Variants in TULP3 observed in about 807,000 individuals in gnomAD.
TULP3 encodes tubby-related protein 3.
In TULP3, 38 loss-of-function variants were observed where a neutral mutation model predicts 50.7. That is an observed-to-expected ratio of 0.75 (90% CI 0.58 to 0.98). TULP3 has a LOEUF of 0.98. Ranked by LOEUF, TULP3 falls within the 50% of genes least tolerant of loss-of-function variation. The pLI, the probability that TULP3 is intolerant of heterozygous loss-of-function variation, is 0.00. For missense variants in TULP3, 550 were observed against 568.0 expected (o/e 0.97, Z 0.32); for synonymous variants, 183 against 196.6 (o/e 0.93, Z 0.58).
intron 2 of TULP3, among the ~76,000 whole-genome samples, chr12:2,912,365 G>A (rs1223173554): frequency 6.6e-6 from 1 of 152,192 alleles, no homozygotes; most frequent in African/African-American, 2.4e-5. Flanking sequence ...CATCCCAGGT[G>A]GGCAGTATCT....
intron 4 of TULP3, among the ~76,000 whole-genome samples, chr12:2,927,869 C>T (rs925571499): frequency 2.6e-5 from 4 of 151,998 alleles, no homozygotes; most frequent in African/African-American, 7.3e-5. Flanking sequence ...AACTTCACCC[C>T]GCAGATACTA....
At chr12:2,900,697 C>CAGGA (rs2098178638) in intron 1 of TULP3, among the ~76,000 whole-genome samples, 1 of 147,554 alleles carries the variant, frequency 6.8e-6, no homozygotes, top group Admixed American at 6.8e-5. Context: ...CTTGCAGATA[C>CAGGA]TTTTTTTTTT....
intron 1 of TULP3, among the ~76,000 whole-genome samples, chr12:2,901,622 A>C (rs2098179348): frequency 6.6e-6 from 1 of 151,896 alleles, no homozygotes; most frequent in South Asian, 2.1e-4. Flanking sequence ...GCCTCAAGTC[A>C]TATGCCCGTC....
chr12:2,904,369 G>A (rs1020228657), intron 1 of TULP3, among the ~76,000 whole-genome samples: 10 of 151,942 alleles, frequency 6.6e-5, no homozygotes, highest in African/African-American at 1.7e-4. Context: ...ATGGAATCTC[G>A]CTCTGTTGCT....
chr12:2,935,007 T>C (rs2098200275), intron 8 of TULP3, among the ~76,000 whole-genome samples: 2 of 152,170 alleles, frequency 1.3e-5, no homozygotes, highest in African/African-American at 4.8e-5. Flanking sequence ...TCCTTTTTCA[T>C]TTCATTTCAC....
intron 2 of TULP3, among the ~76,000 whole-genome samples, chr12:2,920,248 G>C (rs137941799): frequency 6.6e-6 from 1 of 152,148 alleles, no homozygotes; most frequent in Non-Finnish European, 1.5e-5. Context: ...AGTGGCTCAC[G>C]CCTGTAATCC....
chr12:2,922,506 C>T (rs112096703), intron 4 of TULP3, 104 bp downstream of exon 4: 12 of 1,449,918 alleles, frequency 8.3e-6, no homozygotes, highest in African/African-American at 7.1e-5. Context: ...GAAAATGACT[C>T]ATGGCTTAGG....
intron 8 of TULP3, among the ~76,000 whole-genome samples, chr12:2,936,371 C>CTA (rs1396138540): frequency 6.6e-6 from 1 of 152,102 alleles, no homozygotes; most frequent in Non-Finnish European, 1.5e-5. Flanking sequence ...TAATATAGTG[C>CTA]TATGCCCTCA....
At chr12:2,903,135 T>G (rs1018835500) in intron 1 of TULP3, among the ~76,000 whole-genome samples, 7 of 152,048 alleles carry the variant, frequency 4.6e-5, no homozygotes, top group Non-Finnish European at 1.5e-5. Context: ...GTTCTGGAAT[T>G]ACAGGCATAA....
chr12:2,940,738 C>T lies in TULP3; in HGVS notation c.*1294C>T. The T allele has an allele frequency of 6.5e-7, 1 of 1,544,836 alleles. No individual in the cohort carries two copies. The highest frequency in any genetic ancestry group is 8.7e-7 in the Non-Finnish European group (1 of 1,143,106). ...AGATAAGCATGTGAAGGAGGGCCAACTGGCAGCTGCGGGACCCTTGGCTTG... is the reference window on the plus strand; with the variant it reads ...AGATAAGCATGTGAAGGAGGGCCAATTGGCAGCTGCGGGACCCTTGGCTTG... On this transcript the variant is annotated 3_prime_UTR_variant, in exon 11 of 11. Coordinates refer to ENST00000448120, the MANE Select transcript of TULP3 (RefSeq NM_003324.5).
intron 4 of TULP3, among the ~76,000 whole-genome samples, chr12:2,925,326 G>A (rs1192513418): frequency 6.6e-6 from 1 of 152,196 alleles, no homozygotes; most frequent in Non-Finnish European, 1.5e-5. Context: ...TCGTTTGACT[G>A]ATGATGGCCT....
intron 8 of TULP3, among the ~76,000 whole-genome samples, chr12:2,936,540 C>T (rs1185615403): frequency 1.3e-5 from 2 of 149,102 alleles, no homozygotes; most frequent in African/African-American, 5.0e-5. Flanking sequence ...CACCTGAGGT[C>T]GGGAATTCGA....
At chr12:2,892,207 C>T (rs549204920) in intron 1 of TULP3, among the ~76,000 whole-genome samples, 1 of 151,820 alleles carries the variant, frequency 6.6e-6, no homozygotes, top group African/African-American at 2.4e-5. Flanking sequence ...ATGTATTTTC[C>T]TTTTTCGTCA....
chr12:2,932,951 T>TA (rs1345805584), intron 6 of TULP3, among the ~76,000 whole-genome samples: 3 of 148,862 alleles, frequency 2.0e-5, no homozygotes, highest in Non-Finnish European at 4.5e-5. Context: ...TTATTTTTTA[T>TA]TTTTTTTTTG....
intron 4 of TULP3, among the ~76,000 whole-genome samples, chr12:2,929,887 C>G (rs139543913): frequency 1.3e-3 from 200 of 152,120 alleles, no homozygotes; most frequent in African/African-American, 4.7e-3. Context: ...CCGCGCCCAG[C>G]CTGCCCTGCC....
rs1161010707 is a variant in TULP3, at chr12:2,940,470, T to G, written c.*1026T>G. ...GCACAGAAGGTGTTTTGCTACGTTT[T>G]TTTGATTATTACACCCCTCCACGTA... On this transcript the variant is annotated 3_prime_UTR_variant, in exon 11 of 11. Coordinates refer to ENST00000448120, the MANE Select transcript of TULP3 (RefSeq NM_003324.5). 11 of 1,486,950 alleles carry G rather than the reference T, an allele frequency of 7.4e-6. No individual in the cohort carries two copies. The African/African-American group carries it at 1.3e-4, about 17-fold the overall frequency. 92.1% of individuals were successfully genotyped at this position (1,486,950 alleles called of 1,614,324 possible). A position where few individuals can be genotyped will look rare whatever the true frequency, so the allele number is the denominator to read the frequency against.
At chr12:2,925,066 G>A (rs2098193950) in intron 4 of TULP3, among the ~76,000 whole-genome samples, 1 of 151,886 alleles carries the variant, frequency 6.6e-6, no homozygotes, top group African/African-American at 2.4e-5. Flanking sequence ...TACTCGGGAG[G>A]TTGAGGCACG....
At chr12:2,926,547 ATTTT>A (rs930827496) in intron 4 of TULP3, among the ~76,000 whole-genome samples, 1 of 152,180 alleles carries the variant, frequency 6.6e-6, no homozygotes, top group African/African-American at 2.4e-5. Context: ...AAAGCAAATA[ATTTT>A]TTTAAGTAAC....
intron 8 of TULP3, among the ~76,000 whole-genome samples, chr12:2,935,418 C>A (rs915097468): frequency 6.6e-6 from 1 of 152,194 alleles, no homozygotes; most frequent in African/African-American, 2.4e-5. Flanking sequence ...TGAACCGTTT[C>A]CACCAGTTTG....
Sources: gnomAD v4.1 joint callset for allele counts (sites outside exome capture counted in the v4.1 genomes callset) on GRCh38, gnomAD v4.1.1 for gene constraint, MANE v1.5 for transcripts, NCBI Gene and HGNC (gene_info 2026-07-23, HGNC 2026-07-21) for gene names.